Variants in ENAH observed in about 807,000 individuals in gnomAD.
ENAH encodes the protein protein enabled homolog.
A neutral mutation model predicts 78.7 loss-of-function variants in ENAH; 23 were observed. The observed-to-expected ratio is 0.29, with a 90% CI of 0.21 to 0.41. The LOEUF (loss-of-function observed/expected upper bound fraction) is 0.41, where lower values mean the gene tolerates loss of function less well. ENAH is among the 10% of genes least tolerant of loss of function. The pLI is 1.00. For synonymous variants in ENAH, 226 were observed against 241.0 expected (o/e 0.94, Z 0.58); for missense variants, 544 against 691.0 (o/e 0.79, Z 2.39).
chr1:225,514,803 AG>A lies in ENAH; in HGVS notation c.1010del (p.Pro337LeufsTer53). On this transcript the variant is annotated frameshift_variant, in exon 7 of 14. Transcript: ENST00000366843. LOFTEE classifies it high-confidence loss of function. The part of the protein sequence containing the change: ...SVALPPPPGP[P>X]PPPPLPSTGP... ...CGGTGGATGGGAGTGGAGGAGGTGG[AG>A]GGGGCCCTGGGGGAGGAGGGAGGGC... The A allele has an allele frequency of 2.5e-6, 2 of 797,230 alleles. No individual in the cohort carries two copies. The highest frequency in any genetic ancestry group is 3.0e-6 in the Non-Finnish European group (2 of 664,262). The allele number at this position is 797,230 out of a possible 1,614,324, so 49.4% of individuals were successfully genotyped here.
At chr1:225,544,684 CT>C (rs1221812889) in intron 3 of ENAH, among the ~76,000 whole-genome samples, 2 of 152,132 alleles carry the variant, frequency 1.3e-5, no homozygotes, top group African/African-American at 4.8e-5. Context: ...AAAAATGAGG[CT>C]TCATAAGCTA....
In ENAH at chr1:225,497,703, G is replaced by C; in HGVS notation, c.*72C>G. 6.8e-7 allele frequency: 1 copy of C among 1,467,802 alleles called. No individual in the cohort carries two copies. The allele number at this position is 1,467,802 out of a possible 1,614,324, so 90.9% of individuals were successfully genotyped here. A position where few individuals can be genotyped will look rare whatever the true frequency, so the allele number is the denominator to read the frequency against. ...CAGCTCATAAATGTAGGGGTTTGCTGTTGTGAACAGTTGTTGTTTGTAGGA... is the reference window on the plus strand; with the variant it reads ...CAGCTCATAAATGTAGGGGTTTGCTCTTGTGAACAGTTGTTGTTTGTAGGA... On this transcript the variant is annotated 3_prime_UTR_variant, in exon 14 of 14. Coordinates refer to ENST00000366843, the MANE Select transcript of ENAH (RefSeq NM_018212.6).
chr1:225,633,961 T>A (rs190913547), intron 1 of ENAH, among the ~76,000 whole-genome samples: 2 of 152,218 alleles, frequency 1.3e-5, no homozygotes, highest in African/African-American at 4.8e-5. Context: ...CAAAAGCTAA[T>A]CTTTAAAAAT....
At chr1:225,636,143 G>A (rs973579620) in intron 1 of ENAH, among the ~76,000 whole-genome samples, 1 of 152,194 alleles carries the variant, frequency 6.6e-6, no homozygotes, top group African/African-American at 2.4e-5. Context: ...GAAAACAGGG[G>A]AAGAGTAGAT....
chr1:225,622,036 A>C (rs916732815), intron 1 of ENAH, among the ~76,000 whole-genome samples: 2 of 152,212 alleles, frequency 1.3e-5, no homozygotes, highest in Non-Finnish European at 2.9e-5. Flanking sequence ...TAGATGTGTA[A>C]AGAACATGTT....
chr1:225,600,419 G>A (rs2096924799), intron 1 of ENAH, among the ~76,000 whole-genome samples: 1 of 152,046 alleles, frequency 6.6e-6, no homozygotes, highest in South Asian at 2.1e-4. Flanking sequence ...AATGTTTAAT[G>A]GGAAATTTAT....
intron 3 of ENAH, among the ~76,000 whole-genome samples, chr1:225,550,658 T>G (rs561450327): frequency 2.6e-5 from 4 of 152,220 alleles, no homozygotes; most frequent in African/African-American, 9.6e-5. Flanking sequence ...CATTAAAAAA[T>G]GAAATCTCAA....
chr1:225,631,433 A>T (rs556573704), intron 1 of ENAH, among the ~76,000 whole-genome samples: 55 of 151,892 alleles, frequency 3.6e-4, no homozygotes, highest in African/African-American at 1.3e-3. Context: ...AATTGGCTGG[A>T]CGTGGTGGCA....
rs1201390573 is a variant in ENAH at position 225,572,100 on chromosome 1, T to C, written c.6-4686A>G. Among the ~76,000 whole-genome samples the C allele has an allele frequency of 2.0e-5, 3 of 152,112 alleles. No homozygotes were observed. In the East Asian group the frequency reaches 5.8e-4, roughly 29 times the overall value. On this transcript the variant is annotated intron_variant, in intron 1 of 13. Coordinates refer to ENST00000366843, the MANE Select transcript of ENAH (RefSeq NM_018212.6). ...GGTATCTGAAGTAGGAGCAGCCTTA[T>C]GGAACTGAGCCCTTAACCTATGGGG... is the stretch of plus-strand genomic sequence containing the variant.
chr1:225,571,579 T>C (rs1431497268), intron 1 of ENAH, among the ~76,000 whole-genome samples: 3 of 152,020 alleles, frequency 2.0e-5, no homozygotes, highest in Non-Finnish European at 2.9e-5. Context: ...GGCTTCTAGA[T>C]GGCTTCAGAT....
chr1:225,580,055 A>T (rs185737017), intron 1 of ENAH: 5 of 152,250 alleles, frequency 3.3e-5, no homozygotes, highest in Admixed American at 1.3e-4. Context: ...ACTGTAAGAA[A>T]TAAAAATTTA....
At chr1:225,570,542 C>T (rs1004057076) in intron 1 of ENAH, among the ~76,000 whole-genome samples, 1 of 152,048 alleles carries the variant, frequency 6.6e-6, no homozygotes, top group African/African-American at 2.4e-5. Context: ...TCAGCCTGCT[C>T]AACATGAAGA....
chr1:225,589,891 G>C (rs1007216452), intron 1 of ENAH, among the ~76,000 whole-genome samples: 3 of 152,150 alleles, frequency 2.0e-5, no homozygotes, highest in Admixed American at 6.5e-5. Context: ...TCCCCGTGCA[G>C]CTTTTTCTAA....
At chr1:225,536,670 A>T (rs116542290) in intron 3 of ENAH, among the ~76,000 whole-genome samples, 6,768 of 152,094 alleles carry the variant, frequency 0.044, 230 homozygotes, top group South Asian at 0.11. Flanking sequence ...CCAATTTATA[A>T]TTAAATAACA....
chr1:225,527,257 T>A (rs551300968), intron 4 of ENAH, among the ~76,000 whole-genome samples: 17 of 152,362 alleles, frequency 1.1e-4, no homozygotes, highest in Non-Finnish European at 1.9e-4. Flanking sequence ...ACAGGACAAT[T>A]TCACTCAACT....
chr1:225,506,468 A>T (rs1297358210), intron 11 of ENAH, among the ~76,000 whole-genome samples: 1 of 152,184 alleles, frequency 6.6e-6, no homozygotes, highest in Non-Finnish European at 1.5e-5. Flanking sequence ...GATTACAGGC[A>T]TGAGCCACCA....
At chr1:225,630,127 GA>G (rs560560991) in intron 1 of ENAH, among the ~76,000 whole-genome samples, 5 of 151,592 alleles carry the variant, frequency 3.3e-5, no homozygotes, top group African/African-American at 9.7e-5. Context: ...GAAATATTTA[GA>G]AAAAAAATGT....
At chr1:225,617,382 A>C (rs996304949) in intron 1 of ENAH, among the ~76,000 whole-genome samples, 1 of 152,188 alleles carries the variant, frequency 6.6e-6, no homozygotes, top group Non-Finnish European at 1.5e-5. Context: ...TCTAGTACTG[A>C]GTGACAGCTT....
At position 225,593,389 on chromosome 1, in the gene ENAH, C is replaced by CTGTGTGTG. The variant is rs1222265738; in HGVS notation, c.6-25983_6-25976dup. Among the ~76,000 whole-genome samples, 32 of 20,050 alleles carry CTGTGTGTG rather than the reference C, an allele frequency of 1.6e-3. 9 individuals are homozygous for CTGTGTGTG. The highest frequency in any genetic ancestry group is 6.9e-3 in the African/African-American group (29 of 4,190). 13.2% of individuals were successfully genotyped at this position (20,050 alleles called of 152,430 possible). A position where few individuals can be genotyped will look rare whatever the true frequency, so the allele number is the denominator to read the frequency against. ...TATGCTTGCACACTGCAGCCTGCCC[C>CTGTGTGTG]TGTGTGTGTGTGGGGGGGGGGGGGG... On this transcript the variant is annotated intron_variant, in intron 1 of 13. Transcript: ENST00000366843.
Sources: allele counts gnomAD v4.1 joint callset (sites outside exome capture counted in the v4.1 genomes callset), GRCh38; gene constraint gnomAD v4.1.1; transcripts MANE v1.5; gene names NCBI Gene and HGNC (gene_info 2026-07-23, HGNC 2026-07-21).